ARFGAP3: variants seen among roughly 807,000 people sequenced by gnomAD.
ARFGAP3 encodes ARF GTPase activating protein 3.
ARFGAP3 carries 72 observed loss-of-function variants against 75.0 expected under a neutral mutation model. That is an observed-to-expected ratio of 0.96 (90% CI 0.79 to 1.17). The LOEUF (loss-of-function observed/expected upper bound fraction) is 1.17, where lower values mean the gene tolerates loss of function less well. Ranked by LOEUF, ARFGAP3 falls within the 50% of genes most tolerant of loss-of-function variation. ARFGAP3 has a pLI of 0.00. For synonymous variants in ARFGAP3, 221 were observed against 217.9 expected (o/e 1.01, Z -0.13); for missense variants, 620 against 626.6 (o/e 0.99, Z 0.11).
At chr22:42,842,302 GCCTTT>G (rs1926819505) in intron 2 of ARFGAP3, among the ~76,000 whole-genome samples, 1 of 118,676 alleles carries the variant, frequency 8.4e-6, no homozygotes, top group African/African-American at 3.5e-5. Context: ...ACCGTGCCTG[GCCTTT>G]TTTTTTTTTT....
In ARFGAP3 at chr22:42,831,624, C is replaced by G. The variant is rs775057840; in HGVS notation, c.490G>C (p.Ala164Pro). Residue 164 changes from alanine to proline, a missense_variant, in exon 6 of 16, where the codon GCG (alanine) becomes CCG (proline). Physicochemically the swap from Ala to Pro is conservative, Grantham distance 27. Coordinates refer to ENST00000263245, the MANE Select transcript of ARFGAP3 (RefSeq NM_014570.5). ...GGTTCTGCTATTGCTGATGCCCACG[C>G]TGTGTCACTCACCTGAAACAAGGCG... Reference protein sequence around the residue: ...SHVSPEVSDTAWASAIAEPSS... With the variant: ...SHVSPEVSDTPWASAIAEPSS... 57 of 1,614,060 alleles carry G rather than the reference C, an allele frequency of 3.5e-5. No homozygotes were observed. Among genetic ancestry groups the G allele is most frequent in the Non-Finnish European group, 4.8e-5 (57 of 1,179,972 alleles).
chr22:42,835,491 A>AG lies in ARFGAP3; in HGVS notation c.263dup (p.Ser89PhefsTer12). 6.2e-7 allele frequency: 1 copy of AG among 1,613,744 alleles called. No homozygotes were observed. The highest frequency in any genetic ancestry group is 1.3e-5 in the African/African-American group (1 of 75,040). ...AACACCCATGTTGATGAAAAAAGGA[A>AG]GACTACAGAGAAAAGCATGCACATT... On this transcript the variant is annotated frameshift_variant and splice_region_variant, in exon 4 of 16. Coordinates refer to ENST00000263245, the MANE Select transcript of ARFGAP3 (RefSeq NM_014570.5). LOFTEE classifies it high-confidence loss of function.
At chr22:42,802,395 C>T (rs1257345419) in intron 14 of ARFGAP3, among the ~76,000 whole-genome samples, 1 of 151,596 alleles carries the variant, frequency 6.6e-6, no homozygotes, top group Non-Finnish European at 1.5e-5. Flanking sequence ...ACGCCATTCT[C>T]CTGCCTCAGC....
At chr22:42,853,119 A>G (rs1237907952) in intron 1 of ARFGAP3, among the ~76,000 whole-genome samples, 1 of 152,214 alleles carries the variant, frequency 6.6e-6, no homozygotes, top group African/African-American at 2.4e-5. Flanking sequence ...TCCTTTTATC[A>G]TGTGCTTTCT....
At chr22:42,838,968 G>T (rs1003247493) in intron 3 of ARFGAP3, among the ~76,000 whole-genome samples, 2 of 151,662 alleles carry the variant, frequency 1.3e-5, no homozygotes, top group African/African-American at 4.8e-5. Context: ...AAATTAGCTG[G>T]GTGTGGTGGC....
chr22:42,846,331 C>T (rs1417208441), intron 2 of ARFGAP3, among the ~76,000 whole-genome samples: 2 of 152,234 alleles, frequency 1.3e-5, no homozygotes, highest in Admixed American at 1.3e-4. Context: ...AGGTGACAGG[C>T]AGGCCTTGCT....
Position 42,852,952 on chromosome 22 carries a change from C to T in ARFGAP3, c.69+4162G>A, listed in dbSNP as rs1216469937. Among the ~76,000 whole-genome samples the T allele has an allele frequency of 2.6e-5, 4 of 151,126 alleles. No homozygotes were observed. The East Asian group carries it at 6.0e-4, about 22-fold the overall frequency. On this transcript the variant is annotated intron_variant, in intron 1 of 15. Transcript: ENST00000263245. ...GCTAATTTTTGTATTTTTGTAGAGA[C>T]GGGGCTTCATCATGTTGGCCAGGCT...
chr22:42,844,516 C>T (rs986548302), intron 2 of ARFGAP3, among the ~76,000 whole-genome samples: 11 of 148,786 alleles, frequency 7.4e-5, no homozygotes, highest in African/African-American at 2.5e-4. Flanking sequence ...ACCCGGGAGG[C>T]GGAGGTTGCA....
intron 6 of ARFGAP3, 65 bp from the exon 7 acceptor site, chr22:42,827,064 TA>T: frequency 1.3e-6 from 2 of 1,585,410 alleles, no homozygotes; most frequent in Non-Finnish European, 1.7e-6. Flanking sequence ...TTTGAATATA[TA>T]ATAATTCAAC....
intron 7 of ARFGAP3, among the ~76,000 whole-genome samples, chr22:42,824,052 AGG>A (rs1165593186): frequency 3.3e-5 from 5 of 149,726 alleles, no homozygotes; most frequent in African/African-American, 1.2e-4. Context: ...TTTTTGAGAC[AGG>A]GTCTCGCTCT....
At chr22:42,817,896 T>A in intron 9 of ARFGAP3, 39 bp from the exon 10 acceptor site, 2 of 1,480,838 alleles carry the variant, frequency 1.4e-6, no homozygotes, top group African/African-American at 2.9e-5. Context: ...TTAGCTTTAA[T>A]CCTTTGTTCT....
chr22:42,804,626 C>T (rs982864386), intron 14 of ARFGAP3, among the ~76,000 whole-genome samples: 20 of 151,976 alleles, frequency 1.3e-4, no homozygotes, highest in African/African-American at 3.1e-4. Context: ...GTGATCCACC[C>T]GCCTCGGCCT....
chr22:42,857,268 G>A lies in ARFGAP3; in HGVS notation c.-86C>T, dbSNP rs1569182311. 3 of 1,463,410 alleles carry A rather than the reference G, an allele frequency of 2.1e-6. No individual in the cohort carries two copies. The highest frequency in any genetic ancestry group is 2.7e-6 in the Non-Finnish European group (3 of 1,101,000). 90.7% of individuals were successfully genotyped at this position (1,463,410 alleles called of 1,614,324 possible). ...GCTACCGCCTCAGCAGGAGCGACGA[G>A]GCCGCGGGGGCGGGGCTGCGCGTAA... On this transcript the variant is annotated 5_prime_UTR_variant, in exon 1 of 16. Transcript: ENST00000263245.
intron 2 of ARFGAP3, among the ~76,000 whole-genome samples, chr22:42,843,038 G>C (rs1926854308): frequency 1.3e-5 from 2 of 152,034 alleles, no homozygotes; most frequent in South Asian, 4.1e-4. Context: ...CAGAGGTAAG[G>C]AACACACCCA....
chr22:42,804,147 G>A (rs144012925), intron 14 of ARFGAP3, among the ~76,000 whole-genome samples: 3 of 151,620 alleles, frequency 2.0e-5, no homozygotes, highest in African/African-American at 2.4e-5. Context: ...CAAGCGATAC[G>A]TCTTCCTCAG....
In ARFGAP3 at chr22:42,817,128, T is replaced by C. The variant is rs769552926; in HGVS notation, c.1064+14A>G. ...TTCAAAATGACACTTCAACGATGAT[T>C]TGTAATACAGTACCTTGAGCTGGAA... On this transcript the variant is annotated intron_variant, in intron 11 of 15. Coordinates refer to ENST00000263245, the MANE Select transcript of ARFGAP3 (RefSeq NM_014570.5). 2 of 1,558,078 alleles carry C rather than the reference T, an allele frequency of 1.3e-6. No individual in the cohort carries two copies. The highest frequency in any genetic ancestry group is 1.1e-5 in the South Asian group (1 of 89,736).
intron 7 of ARFGAP3, among the ~76,000 whole-genome samples, chr22:42,824,793 CAG>C (rs1210165589): frequency 6.6e-6 from 1 of 151,932 alleles, no homozygotes; most frequent in Non-Finnish European, 1.5e-5. Context: ...ATCACCCAGA[CAG>C]TGAGCACAGT....
chr22:42,849,091 G>C (rs1216915964), intron 1 of ARFGAP3, among the ~76,000 whole-genome samples: 4 of 152,202 alleles, frequency 2.6e-5, no homozygotes, highest in Non-Finnish European at 5.9e-5. Flanking sequence ...CCAGCGAGGA[G>C]AGGAGGCCTG....
At chr22:42,838,705 T>C (rs1412029149) in intron 3 of ARFGAP3, among the ~76,000 whole-genome samples, 1 of 152,188 alleles carries the variant, frequency 6.6e-6, no homozygotes, top group Non-Finnish European at 1.5e-5. Flanking sequence ...GCCTGATAAA[T>C]AGGTTACCAG....
Sources: allele counts gnomAD v4.1 joint callset (sites outside exome capture counted in the v4.1 genomes callset), GRCh38; gene constraint gnomAD v4.1.1; transcripts MANE v1.5; gene names NCBI Gene and HGNC (gene_info 2026-07-23, HGNC 2026-07-21).